KCNK2: variants seen among roughly 807,000 people sequenced by gnomAD.
The protein encoded by KCNK2 is potassium channel subfamily K member 2.
Under a neutral mutation model 40.5 loss-of-function variants are expected in KCNK2, and 21 were observed. The ratio of observed to expected loss-of-function variants is 0.52; its 90% confidence interval spans 0.37 to 0.75. The LOEUF (loss-of-function observed/expected upper bound fraction) is 0.75. Among genes scored for constraint, KCNK2 ranks in the 30% least tolerant of loss-of-function variants. KCNK2 has a pLI of 0.00. For synonymous variants in KCNK2, 191 were observed against 202.2 expected (o/e 0.94, Z 0.47); for missense variants, 399 against 531.6 (o/e 0.75, Z 2.45).
intron 5 of KCNK2, among the ~76,000 whole-genome samples, chr1:215,190,369 G>A (rs1664618426): frequency 6.6e-6 from 1 of 152,114 alleles, no homozygotes; most frequent in Non-Finnish European, 1.5e-5. Flanking sequence ...CCTTAGCTAA[G>A]TACCTCCCAG....
At chr1:215,148,538 AC>A (rs1326475025) in intron 3 of KCNK2, among the ~76,000 whole-genome samples, 1 of 152,034 alleles carries the variant, frequency 6.6e-6, no homozygotes, top group Non-Finnish European at 1.5e-5. Flanking sequence ...ATTAATAAAA[AC>A]CTATAGATTG....
chr1:215,211,908 A>T (rs2102689655), intron 6 of KCNK2, among the ~76,000 whole-genome samples: 1 of 152,230 alleles, frequency 6.6e-6, no homozygotes, highest in East Asian at 1.9e-4. Context: ...ACCAAACTGT[A>T]CTTATTTTGG....
intron 3 of KCNK2, among the ~76,000 whole-genome samples, chr1:215,130,000 A>G (rs1661597349): frequency 6.6e-6 from 1 of 152,168 alleles, no homozygotes; most frequent in South Asian, 2.1e-4. Context: ...TATTCAAAAC[A>G]AGCCTCTTTC....
chr1:215,160,685 TA>T (rs1663154840), intron 3 of KCNK2, among the ~76,000 whole-genome samples: 2 of 152,196 alleles, frequency 1.3e-5, no homozygotes, highest in Non-Finnish European at 1.5e-5. Flanking sequence ...TATCCTTTTA[TA>T]ACCAGTCTCT....
chr1:215,084,056 T>G (rs554529038), intron 1 of KCNK2, among the ~76,000 whole-genome samples: 402 of 152,240 alleles, frequency 2.6e-3, no homozygotes, highest in South Asian at 0.011. Flanking sequence ...AAAATATTAT[T>G]TTGGTATTTC....
intron 1 of KCNK2, among the ~76,000 whole-genome samples, chr1:215,028,900 C>A (rs1216978249): frequency 1.3e-5 from 2 of 151,404 alleles, no homozygotes; most frequent in Admixed American, 6.6e-5. Flanking sequence ...TTTAATAATT[C>A]ATTTAAATGT....
intron 2 of KCNK2, among the ~76,000 whole-genome samples, chr1:215,088,873 T>C (rs1659572767): frequency 6.6e-6 from 1 of 152,270 alleles, no homozygotes; most frequent in African/African-American, 2.4e-5. Flanking sequence ...TTTTGCTTCA[T>C]AAAAATCTTT....
At chr1:215,023,586 A>G (rs1656888997) in intron 1 of KCNK2, among the ~76,000 whole-genome samples, 2 of 152,260 alleles carry the variant, frequency 1.3e-5, no homozygotes, top group South Asian at 2.1e-4. Context: ...CGACCATGTT[A>G]TAAACTGATT....
At chr1:215,018,625 G>GGATGAATT (rs1309678021) in intron 1 of KCNK2, among the ~76,000 whole-genome samples, 2 of 152,152 alleles carry the variant, frequency 1.3e-5, no homozygotes, top group Non-Finnish European at 2.9e-5. Context: ...TAGTATATGT[G>GGATGAATT]CACAGTATGA....
intron 1 of KCNK2, among the ~76,000 whole-genome samples, chr1:215,010,851 A>AT (rs66945279): frequency 7.7e-4 from 96 of 125,446 alleles, no homozygotes; most frequent in Non-Finnish European, 1.1e-3. Context: ...CAGGACACAG[A>AT]TTTTTTTTTT....
intron 5 of KCNK2, among the ~76,000 whole-genome samples, chr1:215,185,457 C>G (rs954855026): frequency 1.3e-5 from 2 of 152,030 alleles, no homozygotes; most frequent in East Asian, 3.9e-4. Flanking sequence ...TTGCAAGAGT[C>G]TTTGGAAAAA....
intron 6 of KCNK2, 147 bp from the exon 7 acceptor site, chr1:215,234,681 T>C: frequency 1.4e-6 from 1 of 698,814 alleles, no homozygotes. Flanking sequence ...CCTGCCTAAT[T>C]TCATCAATTC....
chr1:215,120,337 A>C (rs2102575109), intron 2 of KCNK2, among the ~76,000 whole-genome samples: 1 of 152,300 alleles, frequency 6.6e-6, no homozygotes, highest in East Asian at 1.9e-4. Flanking sequence ...CGGAGTCTGA[A>C]GACTTACCTT....
At chr1:215,207,207 G>A (rs1665351371) in intron 6 of KCNK2, among the ~76,000 whole-genome samples, 1 of 152,182 alleles carries the variant, frequency 6.6e-6, no homozygotes, top group Non-Finnish European at 1.5e-5. Flanking sequence ...AGGCCGCACA[G>A]CAGGAGGTGA....
chr1:215,185,402 T>C (rs1358039183), intron 5 of KCNK2, among the ~76,000 whole-genome samples: 5 of 152,078 alleles, frequency 3.3e-5, no homozygotes, highest in Admixed American at 6.6e-5. Context: ...AGAATGTGGA[T>C]TGGGGGGCAG....
At chr1:215,190,236 G>T (rs1329637021) in intron 5 of KCNK2, among the ~76,000 whole-genome samples, 1 of 152,148 alleles carries the variant, frequency 6.6e-6, no homozygotes, top group East Asian at 1.9e-4. Flanking sequence ...GGGAACGCTG[G>T]AGAGAGGACA....
chr1:215,151,005 G>A lies in KCNK2; in HGVS notation c.476-18194G>A, dbSNP rs567456822. Among the ~76,000 whole-genome samples, 7 of 151,926 alleles carry A rather than the reference G, an allele frequency of 4.6e-5. 1 individual carries two copies. The South Asian group carries it at 1.5e-3, about 32-fold the overall frequency. On this transcript the variant is annotated intron_variant, in intron 3 of 6. Transcript: ENST00000444842. ...AAATACTTTGAGATAGATATTCTTT[G>A]TCATGATAAAATAATTTTATATTTC...
At chr1:215,012,776 G>A (rs1571845868) in intron 1 of KCNK2, among the ~76,000 whole-genome samples, 1 of 151,178 alleles carries the variant, frequency 6.6e-6, no homozygotes, top group East Asian at 2.0e-4. Context: ...TTAAATTAAG[G>A]ATTTAAGCCC....
chr1:215,205,230 T>A (rs7528475), intron 6 of KCNK2, among the ~76,000 whole-genome samples: 56,651 of 151,948 alleles, frequency 0.37, 10,845 homozygotes, highest in South Asian at 0.65. Context: ...AGAATTCATA[T>A]GAGTGAATGG....
Sources: allele counts gnomAD v4.1 joint callset (sites outside exome capture counted in the v4.1 genomes callset), GRCh38; gene constraint gnomAD v4.1.1; transcripts MANE v1.5; gene names NCBI Gene and HGNC (gene_info 2026-07-23, HGNC 2026-07-21).